Variants in UGGT2 observed in about 807,000 individuals in gnomAD.
UGGT2 encodes UDP-glucose glycoprotein glucosyltransferase 2.
Under a neutral mutation model 192.1 loss-of-function variants are expected in UGGT2, and 180 were observed. That is an observed-to-expected ratio of 0.94 (90% CI 0.83 to 1.06). The LOEUF (loss-of-function observed/expected upper bound fraction) is 1.06, where lower values mean the gene tolerates loss of function less well. UGGT2 is among the 50% of genes least tolerant of loss of function. The pLI is 0.00. For synonymous variants in UGGT2, 580 were observed against 591.0 expected (o/e 0.98, Z 0.27); for missense variants, 1,849 against 1,795.7 (o/e 1.03, Z -0.54).
chr13:95,951,589 G>A (rs553897628), intron 12 of UGGT2, among the ~76,000 whole-genome samples: 1 of 152,316 alleles, frequency 6.6e-6, no homozygotes, highest in East Asian at 1.9e-4. Context: ...TGCCTAGACA[G>A]ACAAAATGAG....
chr13:95,949,538 A>G, intron 12 of UGGT2, 84 bp from the exon 13 acceptor site: 1 of 1,244,152 alleles, frequency 8.0e-7, no homozygotes, highest in Non-Finnish European at 1.0e-6. Flanking sequence ...ATCGTGATAA[A>G]TAAAAATATA....
chr13:95,976,794 A>G (rs1489808713), intron 10 of UGGT2, among the ~76,000 whole-genome samples: 1 of 152,190 alleles, frequency 6.6e-6, no homozygotes, highest in African/African-American at 2.4e-5. Flanking sequence ...CGCTGACTTC[A>G]AACTATACTA....
At chr13:95,924,090 G>A (rs1218897614) in intron 20 of UGGT2, among the ~76,000 whole-genome samples, 1 of 152,098 alleles carries the variant, frequency 6.6e-6, no homozygotes, top group East Asian at 1.9e-4. Context: ...CATGATTATT[G>A]CACTTCATAT....
chr13:96,034,190 C>G (rs576070596), intron 1 of UGGT2, among the ~76,000 whole-genome samples: 28 of 152,198 alleles, frequency 1.8e-4, no homozygotes, highest in African/African-American at 6.3e-4. Context: ...TCCCAGACAT[C>G]GGGATGACCT....
chr13:95,837,186 ATAT>A lies in UGGT2; in HGVS notation c.4298_4300del (p.Asn1433del). Reference sequence around the variant, plus strand: ...AGACTTAATGGCGACTTGGTAAATCATATTATTGGGGAGATCCTACAGAAAATT... The same window carrying A: ...AGACTTAATGGCGACTTGGTAAATCATATTGGGGAGATCCTACAGAAAATT... On this transcript the variant is annotated inframe_deletion, in exon 37 of 39. Coordinates refer to ENST00000376747, the MANE Select transcript of UGGT2 (RefSeq NM_020121.4). 1 of 1,613,190 alleles carries A rather than the reference ATAT, an allele frequency of 6.2e-7. No individual in the cohort carries two copies. The highest frequency in any genetic ancestry group is 1.1e-5 in the South Asian group (1 of 91,062).
At chr13:95,910,792 G>T (rs995751510) in intron 20 of UGGT2, among the ~76,000 whole-genome samples, 5 of 151,934 alleles carry the variant, frequency 3.3e-5, no homozygotes, top group African/African-American at 9.7e-5. Context: ...TACATTCTTT[G>T]GAGCACCGCA....
chr13:95,883,873 G>A (rs2047564007), intron 27 of UGGT2, among the ~76,000 whole-genome samples: 2 of 151,984 alleles, frequency 1.3e-5, no homozygotes, highest in Non-Finnish European at 2.9e-5. Flanking sequence ...AAAAGACTCA[G>A]TTTAATACTT....
intron 7 of UGGT2, among the ~76,000 whole-genome samples, chr13:95,992,545 T>C (rs752579541): frequency 2.0e-5 from 3 of 152,208 alleles, no homozygotes; most frequent in African/African-American, 7.2e-5. Flanking sequence ...TTTTGTATCC[T>C]GAAACTTACA....
At chr13:95,936,519 C>T (rs1166162084) in intron 17 of UGGT2, among the ~76,000 whole-genome samples, 1 of 152,228 alleles carries the variant, frequency 6.6e-6, no homozygotes, top group Non-Finnish European at 1.5e-5. Flanking sequence ...GGCCTGCCTA[C>T]AGGTACCCCA....
intron 12 of UGGT2, among the ~76,000 whole-genome samples, chr13:95,963,917 T>A (rs910301394): frequency 6.6e-6 from 1 of 152,132 alleles, no homozygotes; most frequent in Admixed American, 6.5e-5. Context: ...AAAATGATGA[T>A]ACTGCCCAAA....
intron 28 of UGGT2, 110 bp downstream of exon 28, chr13:95,877,588 C>A: frequency 7.7e-7 from 1 of 1,300,918 alleles, no homozygotes; most frequent in Non-Finnish European, 1.0e-6. Flanking sequence ...ATTTTGTTTT[C>A]TGCAAACTGT....
At chr13:95,961,456 C>A (rs1309495675) in intron 12 of UGGT2, among the ~76,000 whole-genome samples, 1 of 152,066 alleles carries the variant, frequency 6.6e-6, no homozygotes, top group Non-Finnish European at 1.5e-5. Flanking sequence ...AATAGCTATA[C>A]TTTTATCAGA....
rs553593509 is a variant in UGGT2, at chr13:95,981,829, T to C, written c.1092+1975A>G. 2.1e-4 allele frequency among the ~76,000 whole-genome samples: 32 copies of C among 152,298 alleles called. No homozygotes were observed. In the South Asian group the frequency reaches 4.6e-3, roughly 22 times the overall value. On this transcript the variant is annotated intron_variant, in intron 10 of 38. Transcript: ENST00000376747. Reference sequence around the variant, plus strand: ...ATCACAACCACCCTCTTCCCCAAGGTTGGAACTTCAGTTTCTTTAATTACT... The same window carrying C: ...ATCACAACCACCCTCTTCCCCAAGGCTGGAACTTCAGTTTCTTTAATTACT...
chr13:95,976,218 A>C (rs2140823011), intron 10 of UGGT2, among the ~76,000 whole-genome samples: 1 of 152,308 alleles, frequency 6.6e-6, no homozygotes, highest in South Asian at 2.1e-4. Flanking sequence ...TTCACTTAAC[A>C]TAATGTCCTC....
chr13:96,014,664 G>A (rs1170256497), intron 4 of UGGT2, among the ~76,000 whole-genome samples: 2 of 152,144 alleles, frequency 1.3e-5, no homozygotes, highest in Non-Finnish European at 1.5e-5. Flanking sequence ...AGACATGAAT[G>A]TGCAAAACAA....
intron 10 of UGGT2, among the ~76,000 whole-genome samples, chr13:95,975,226 T>G (rs940625647): frequency 1.3e-5 from 2 of 152,200 alleles, no homozygotes; most frequent in African/African-American, 4.8e-5. Context: ...TAGAGCTTCC[T>G]AGATGACCTA....
Position 95,972,609 on chromosome 13 carries a change from A to T in UGGT2, c.1155T>A (p.Arg385=). The stretch of plus-strand genomic sequence containing the variant: ...AAGCGTCATAAACATCCATATCAAC[A>T]CGAAGGCCATTTATAAATAGACGAG... ...GDARLFINGL[R]VDMDVYDAFS... The change falls in exon 11 of 39, where the codon CGT becomes CGA. Residue 385 remains arginine (R), a synonymous_variant. Coordinates refer to ENST00000376747, the MANE Select transcript of UGGT2 (RefSeq NM_020121.4). The T allele has an allele frequency of 6.2e-7, 1 of 1,613,772 alleles. No homozygotes were observed. Among genetic ancestry groups the T allele is most frequent in the East Asian group, 2.2e-5 (1 of 44,818 alleles).
chr13:95,805,776 G>C (rs1410829273), intron 38 of UGGT2, among the ~76,000 whole-genome samples: 2 of 152,040 alleles, frequency 1.3e-5, no homozygotes, highest in Non-Finnish European at 2.9e-5. Flanking sequence ...AGGGAGAGAG[G>C]GGGAAGGGGA....
intron 4 of UGGT2, among the ~76,000 whole-genome samples, chr13:96,018,475 C>A (rs1022923307): frequency 6.6e-6 from 1 of 151,998 alleles, no homozygotes; most frequent in Non-Finnish European, 1.5e-5. Context: ...AAGACTGCAC[C>A]ACTGCACTCT....
Sources: allele counts gnomAD v4.1 joint callset (sites outside exome capture counted in the v4.1 genomes callset), GRCh38; gene constraint gnomAD v4.1.1; transcripts MANE v1.5; gene names NCBI Gene and HGNC (gene_info 2026-07-23, HGNC 2026-07-21).